CACNA2D1: variants seen among roughly 807,000 people sequenced by gnomAD.
The protein encoded by CACNA2D1 is calcium voltage-gated channel auxiliary subunit alpha2delta 1.
In CACNA2D1, 53 loss-of-function variants were observed where a neutral mutation model predicts 171.5. The observed-to-expected ratio is 0.31, with a 90% CI of 0.25 to 0.39. The LOEUF is 0.39. Among genes scored for constraint, CACNA2D1 ranks in the 10% least tolerant of loss-of-function variants. CACNA2D1 has a pLI of 1.00. For synonymous variants in CACNA2D1, 442 were observed against 443.1 expected (o/e 1.00, Z 0.03); for missense variants, 903 against 1,299.8 (o/e 0.69, Z 4.69).
chr7:82,110,728 T>G (rs1214665199), intron 6 of CACNA2D1, among the ~76,000 whole-genome samples: 2 of 152,174 alleles, frequency 1.3e-5, no homozygotes, highest in Non-Finnish European at 2.9e-5. Flanking sequence ...CTTACACAGG[T>G]GATTTTTATG....
At chr7:82,092,426 CG>C in intron 6 of CACNA2D1, among the ~76,000 whole-genome samples, 1 of 151,480 alleles carries the variant, frequency 6.6e-6, no homozygotes, top group South Asian at 2.1e-4. Context: ...GGCTGGAGTG[CG>C]GTGGCACAAT....
intron 1 of CACNA2D1, among the ~76,000 whole-genome samples, chr7:82,375,435 C>T (rs1822908801): frequency 1.3e-5 from 2 of 152,142 alleles, no homozygotes; most frequent in South Asian, 2.1e-4. Flanking sequence ...TTTCCAGCCA[C>T]CCTGATCACA....
At chr7:82,073,828 T>G (rs539797754) in intron 7 of CACNA2D1, among the ~76,000 whole-genome samples, 8 of 152,200 alleles carry the variant, frequency 5.3e-5, no homozygotes, top group South Asian at 2.1e-4. Flanking sequence ...CTCGAACTCC[T>G]GACCTCAGGT....
At chr7:81,978,753 G>GTGTTTGTATATA (rs145105210) in intron 24 of CACNA2D1, among the ~76,000 whole-genome samples, 1 of 139,476 alleles carries the variant, frequency 7.2e-6, no homozygotes, top group Admixed American at 7.2e-5. Flanking sequence ...TTTAAAAAGT[G>GTGTTTGTATATA]TATATATATA....
intron 3 of CACNA2D1, among the ~76,000 whole-genome samples, chr7:82,241,386 C>T (rs1804257630): frequency 6.6e-6 from 1 of 152,156 alleles, no homozygotes; most frequent in Non-Finnish European, 1.5e-5. Flanking sequence ...CTAATCTGGA[C>T]TATATTTTGC....
In CACNA2D1 at chr7:82,387,800, G is replaced by T. The variant is rs199855766; in HGVS notation, c.96-38151C>A. ...TGCCTGTTCAAATTTAAATCTGAAGGCCGGGTGCACTGGCTCATGCTTGTA... is the reference window on the plus strand; with the variant it reads ...TGCCTGTTCAAATTTAAATCTGAAGTCCGGGTGCACTGGCTCATGCTTGTA... On this transcript the variant is annotated intron_variant, in intron 1 of 38. Coordinates refer to ENST00000356860, the MANE Select transcript of CACNA2D1 (RefSeq NM_000722.4). 2.0e-4 allele frequency among the ~76,000 whole-genome samples: 31 copies of T among 152,182 alleles called. No individual in the cohort carries two copies. The East Asian group carries it at 3.3e-3, about 16-fold the overall frequency.
intron 6 of CACNA2D1, among the ~76,000 whole-genome samples, chr7:82,098,717 G>A (rs1392559059): frequency 1.3e-5 from 2 of 152,102 alleles, no homozygotes; most frequent in Admixed American, 1.3e-4. Context: ...TGCTGACATA[G>A]TCTCCTCACC....
intron 3 of CACNA2D1, among the ~76,000 whole-genome samples, chr7:82,211,741 G>A (rs774461105): frequency 7.9e-5 from 12 of 152,116 alleles, no homozygotes; most frequent in Non-Finnish European, 1.5e-4. Context: ...GAGACTGCTT[G>A]GTCAAATGGT....
intron 6 of CACNA2D1, among the ~76,000 whole-genome samples, chr7:82,094,754 C>T (rs258656): frequency 0.41 from 61,598 of 152,046 alleles, 12,565 homozygotes; most frequent in Non-Finnish European, 0.42. Flanking sequence ...TAAGACTTTT[C>T]TAAATGACTT....
intron 3 of CACNA2D1, among the ~76,000 whole-genome samples, chr7:82,282,734 A>G (rs530593529): frequency 1.1e-4 from 17 of 152,010 alleles, no homozygotes; most frequent in African/African-American, 3.9e-4. Context: ...GGTTATCTAT[A>G]AAAATATCCA....
intron 3 of CACNA2D1, among the ~76,000 whole-genome samples, chr7:82,273,802 G>A (rs1267235621): frequency 6.6e-6 from 1 of 152,144 alleles, no homozygotes; most frequent in Admixed American, 6.6e-5. Context: ...ACAGGTGCAC[G>A]TGATTATGTA....
At chr7:82,222,178 AAGAC>A (rs1299203828) in intron 3 of CACNA2D1, among the ~76,000 whole-genome samples, 1 of 152,176 alleles carries the variant, frequency 6.6e-6, no homozygotes, top group Non-Finnish European at 1.5e-5. Flanking sequence ...GTTCAAAGTG[AAGAC>A]AGTAGAAAGT....
intron 11 of CACNA2D1, among the ~76,000 whole-genome samples, chr7:82,033,774 C>G (rs975605118): frequency 6.6e-6 from 1 of 152,158 alleles, no homozygotes. Context: ...TTAAAATGAA[C>G]AATTAATTTA....
intron 2 of CACNA2D1, among the ~76,000 whole-genome samples, chr7:82,337,332 T>C (rs933381499): frequency 1.3e-5 from 2 of 152,076 alleles, no homozygotes; most frequent in African/African-American, 2.4e-5. Context: ...AAAAACTAGC[T>C]CTTGCTTCTG....
intron 6 of CACNA2D1, among the ~76,000 whole-genome samples, chr7:82,091,868 T>C (rs912971766): frequency 1.3e-5 from 2 of 152,214 alleles, no homozygotes; most frequent in Admixed American, 1.3e-4. Flanking sequence ...TAACTTCTTG[T>C]GCTTCTGTTC....
At position 82,374,790 on chromosome 7, in the gene CACNA2D1, C is replaced by CAAAAAAAA. The variant is rs370914675; in HGVS notation, c.96-25142_96-25141insTTTTTTTT. On this transcript the variant is annotated intron_variant, in intron 1 of 38. Transcript: ENST00000356860. ...ACACTAAACAAACAAAAATGCCCCC[C>CAAAAAAAA]AAAAAAAGAAAAAAGACTACAAAAG... 7.3e-4 allele frequency among the ~76,000 whole-genome samples: 108 copies of CAAAAAAAA among 148,604 alleles called. 1 individual carries two copies. The South Asian group carries it at 7.7e-3, about 11-fold the overall frequency.
At chr7:82,166,544 G>A (rs573318088) in intron 4 of CACNA2D1, among the ~76,000 whole-genome samples, 10 of 152,160 alleles carry the variant, frequency 6.6e-5, no homozygotes, top group African/African-American at 2.2e-4. Flanking sequence ...CCATTGCAAT[G>A]CAATCAAATG....
intron 5 of CACNA2D1, among the ~76,000 whole-genome samples, chr7:82,134,054 C>T (rs1791325426): frequency 6.7e-6 from 1 of 149,988 alleles, no homozygotes; most frequent in Admixed American, 6.6e-5. Flanking sequence ...GCCTGGGCGA[C>T]AGAGCGAGAG....
chr7:82,400,932 G>A lies in CACNA2D1; in HGVS notation c.95+42433C>T, dbSNP rs777110312. On this transcript the variant is annotated intron_variant, in intron 1 of 38. Coordinates refer to ENST00000356860, the MANE Select transcript of CACNA2D1 (RefSeq NM_000722.4). ...ACACTTCTCAAAAGAAGACATTTAT[G>A]AAGCCAAAAAACACATGAAAAAATG... Among the ~76,000 whole-genome samples, 634 of 152,244 alleles carry A rather than the reference G, an allele frequency of 4.2e-3. 1 individual carries two copies. Among genetic ancestry groups the A allele is most frequent in the Middle Eastern group, 0.024 (7 of 294 alleles).
Sources: allele counts gnomAD v4.1 joint callset (sites outside exome capture counted in the v4.1 genomes callset), GRCh38; gene constraint gnomAD v4.1.1; transcripts MANE v1.5; gene names NCBI Gene and HGNC (gene_info 2026-07-23, HGNC 2026-07-21).